Variants in DAB1 observed in about 807,000 individuals in gnomAD.
DAB1 encodes disabled homolog 1.
In DAB1, 15 loss-of-function variants were observed where a neutral mutation model predicts 64.6. That is an observed-to-expected ratio of 0.23 (90% CI 0.16 to 0.36). The LOEUF (loss-of-function observed/expected upper bound fraction) is 0.36. DAB1 is among the 10% of genes least tolerant of loss of function. The pLI is 1.00. For synonymous variants in DAB1, 235 were observed against 251.9 expected, an observed-to-expected ratio of 0.93 and a Z score of 0.64; for missense variants, 596 against 706.7, an observed-to-expected ratio of 0.84 and a Z score of 1.78.
intron 9 of DAB1, among the ~76,000 whole-genome samples, chr1:57,055,143 C>A (rs1649620337): frequency 6.6e-6 from 1 of 152,172 alleles, no homozygotes; most frequent in Non-Finnish European, 1.5e-5. Flanking sequence ...TAAAAATGTA[C>A]CTATGTGTTT....
intron 1 of DAB1, among the ~76,000 whole-genome samples, chr1:58,536,949 A>G (rs72672238): frequency 0.048 from 7,314 of 152,186 alleles, 223 homozygotes; most frequent in African/African-American, 0.063. Flanking sequence ...AAAAAATTCT[A>G]ATACTCATCG....
intron 3 of DAB1, among the ~76,000 whole-genome samples, chr1:58,461,953 A>G (rs1356280160): frequency 6.6e-6 from 1 of 152,142 alleles, no homozygotes; most frequent in Non-Finnish European, 1.5e-5. Flanking sequence ...GGCATCCACA[A>G]TCATGCTGCT....
At chr1:57,083,607 C>T (rs1652770561) in intron 4 of DAB1, among the ~76,000 whole-genome samples, 1 of 152,122 alleles carries the variant, frequency 6.6e-6, no homozygotes. Flanking sequence ...CTGCCTTGGT[C>T]ACAATGATGT....
chr1:57,895,897 G>A lies in DAB1; in HGVS notation n.388-11735C>T, dbSNP rs113046239. On this transcript the variant is annotated intron_variant and non_coding_transcript_variant, in intron 5 of 20. Transcript: ENST00000485760. ...ATATAACTTTACAGCCTGTGAAAGAGCTATCAAAACCCAGTTTTCCTAAAA... is the reference window on the plus strand; with the variant it reads ...ATATAACTTTACAGCCTGTGAAAGAACTATCAAAACCCAGTTTTCCTAAAA... 5.7e-3 allele frequency among the ~76,000 whole-genome samples: 868 copies of A among 152,304 alleles called. 10 individuals are homozygous for A. Among genetic ancestry groups the A allele is most frequent in the African/African-American group, 0.02 (826 of 41,574 alleles).
At chr1:57,664,999 ATTTATTATTAC>A (rs1204033769) in intron 6 of DAB1, among the ~76,000 whole-genome samples, 10 of 152,172 alleles carry the variant, frequency 6.6e-5, no homozygotes, top group South Asian at 2.1e-4. Flanking sequence ...TTTCTACCAT[ATTTATTATTAC>A]TTTAGAGGAT....
At chr1:57,490,160 A>G (rs1042396143) in intron 7 of DAB1, among the ~76,000 whole-genome samples, 21 of 152,280 alleles carry the variant, frequency 1.4e-4, no homozygotes, top group Middle Eastern at 3.4e-3. Flanking sequence ...TGAGAAATAA[A>G]TTTCTGTTGC....
intron 3 of DAB1, among the ~76,000 whole-genome samples, chr1:58,449,746 C>A (rs925598859): frequency 2.0e-4 from 25 of 122,118 alleles, no homozygotes; most frequent in Non-Finnish European, 2.9e-4. Context: ...TTCCTGAAGC[C>A]AGGCGGCTGT....
At chr1:57,967,350 G>A (rs945367188) in intron 5 of DAB1, among the ~76,000 whole-genome samples, 12 of 152,150 alleles carry the variant, frequency 7.9e-5, no homozygotes, top group Admixed American at 6.5e-5. Flanking sequence ...CAGATGACCC[G>A]TAATGCTCAC....
At chr1:57,276,100 T>C (rs896532920) in intron 2 of DAB1, among the ~76,000 whole-genome samples, 6 of 152,206 alleles carry the variant, frequency 3.9e-5, no homozygotes, top group Non-Finnish European at 4.4e-5. Flanking sequence ...GAAAAAGTAA[T>C]ACAGAATTAA....
chr1:57,349,020 G>A (rs1678355839), intron 1 of DAB1, among the ~76,000 whole-genome samples: 1 of 151,964 alleles, frequency 6.6e-6, no homozygotes, highest in East Asian at 1.9e-4. Flanking sequence ...ACTGGCAATG[G>A]AACAAAAAAC....
intron 7 of DAB1, among the ~76,000 whole-genome samples, chr1:57,611,131 T>C (rs1232677958): frequency 6.7e-6 from 1 of 150,020 alleles, no homozygotes; most frequent in Non-Finnish European, 1.5e-5. Context: ...GCAGTGGCTT[T>C]TTTTTTTTTT....
At chr1:58,294,236 A>G (rs1661916025) in intron 4 of DAB1, among the ~76,000 whole-genome samples, 1 of 152,178 alleles carries the variant, frequency 6.6e-6, no homozygotes, top group South Asian at 2.1e-4. Context: ...TGACTATGAA[A>G]AAAATCTCCC....
chr1:57,760,632 A>T (rs1441008795), intron 6 of DAB1, among the ~76,000 whole-genome samples: 8 of 149,778 alleles, frequency 5.3e-5, no homozygotes, highest in South Asian at 4.2e-4. Flanking sequence ...ACACACACAC[A>T]CACACACACA....
In DAB1 at chr1:57,367,900, G is replaced by A. The variant is rs139819670; in HGVS notation, c.-137+56030C>T. Among the ~76,000 whole-genome samples the A allele has an allele frequency of 3.1e-3, 474 of 152,266 alleles. 1 individual carries two copies. The highest frequency in any genetic ancestry group is 3.7e-3 in the Non-Finnish European group (254 of 68,006). On this transcript the variant is annotated intron_variant, in intron 1 of 14. Coordinates refer to ENST00000371236, the MANE Select transcript of DAB1 (RefSeq NM_001365792.1). ...GCAGACCTGGGCCTCCCACTCCTCAGAGCAGGCAGAAGCACCTCCCTCCTG... is the reference window on the plus strand; with the variant it reads ...GCAGACCTGGGCCTCCCACTCCTCAAAGCAGGCAGAAGCACCTCCCTCCTG...
chr1:57,755,829 T>A lies in DAB1; in HGVS notation n.552-106164A>T, dbSNP rs138660102. Among the ~76,000 whole-genome samples the A allele has an allele frequency of 9.2e-3, 1,399 of 152,296 alleles. 25 individuals are homozygous for A. The highest frequency in any genetic ancestry group is 0.032 in the African/African-American group (1,341 of 41,566). On this transcript the variant is annotated intron_variant and non_coding_transcript_variant, in intron 6 of 20. Transcript: ENST00000485760. ...TACAGAGCTCTGATCCTTAATACTG[T>A]CATTACTGGGTCCCGTTAATTAGCC...
chr1:57,713,680 A>C (rs1647051778), intron 6 of DAB1, among the ~76,000 whole-genome samples: 1 of 152,208 alleles, frequency 6.6e-6, no homozygotes, highest in Admixed American at 6.5e-5. Flanking sequence ...ATGGCAAAGG[A>C]AAGTAAAATA....
chr1:57,085,758 G>T (rs1653009691), intron 4 of DAB1, among the ~76,000 whole-genome samples: 1 of 152,118 alleles, frequency 6.6e-6, no homozygotes, highest in Non-Finnish European at 1.5e-5. Flanking sequence ...CACATCCCCA[G>T]CTCCTCGCAC....
intron 6 of DAB1, among the ~76,000 whole-genome samples, chr1:57,663,247 C>T (rs1646407910): frequency 1.3e-5 from 2 of 152,138 alleles, no homozygotes; most frequent in Admixed American, 6.5e-5. Context: ...CAAACTCACT[C>T]ACAATCATGA....
At chr1:57,843,698 C>T (rs12134674) in intron 1 of DAB1, among the ~76,000 whole-genome samples, 4,281 of 152,192 alleles carry the variant, frequency 0.028, 95 homozygotes, top group East Asian at 0.12. Context: ...TGGAGAAATA[C>T]CAGCTGAAAT....
Sources: allele counts gnomAD v4.1 joint callset (sites outside exome capture counted in the v4.1 genomes callset), GRCh38; gene constraint gnomAD v4.1.1; transcripts MANE v1.5; gene names NCBI Gene and HGNC (gene_info 2026-07-23, HGNC 2026-07-21).